Variants in STAG1 observed in about 807,000 individuals in gnomAD.
The protein encoded by STAG1 is cohesin subunit SA-1.
Under a neutral mutation model 170.9 loss-of-function variants are expected in STAG1, and 26 were observed. The ratio of observed to expected loss-of-function variants is 0.15; its 90% CI spans 0.11 to 0.21. The LOEUF (loss-of-function observed/expected upper bound fraction) is 0.21, where lower values mean the gene tolerates loss of function less well. STAG1 is among the 10% of genes least tolerant of loss of function. The pLI is 1.00. For synonymous variants in STAG1, 514 were observed against 497.7 expected (o/e 1.03, Z -0.44); for missense variants, 964 against 1,509.5 (o/e 0.64, Z 5.99).
intron 1 of STAG1, among the ~76,000 whole-genome samples, chr3:136,675,925 A>C (rs1942115855): frequency 6.6e-6 from 1 of 152,238 alleles, no homozygotes; most frequent in Non-Finnish European, 1.5e-5. Flanking sequence ...TTTTCTTTAC[A>C]ATGTGCAAAC....
At chr3:136,665,069 T>C (rs967952222) in intron 1 of STAG1, among the ~76,000 whole-genome samples, 1 of 152,174 alleles carries the variant, frequency 6.6e-6, no homozygotes, top group Non-Finnish European at 1.5e-5. Context: ...CTTCTCCCTT[T>C]TTGAACCAGA....
chr3:136,546,189 A>G (rs1936148100), intron 5 of STAG1, among the ~76,000 whole-genome samples: 1 of 152,204 alleles, frequency 6.6e-6, no homozygotes. Context: ...CTATTAAAAT[A>G]AGTTCATATC....
intron 1 of STAG1, among the ~76,000 whole-genome samples, chr3:136,706,749 CA>C (rs1451459085): frequency 6.6e-6 from 1 of 152,132 alleles, no homozygotes; most frequent in East Asian, 1.9e-4. Context: ...GGGTCCCAAA[CA>C]GTCAAAATAA....
intron 1 of STAG1, among the ~76,000 whole-genome samples, chr3:136,664,655 C>G (rs1419846430): frequency 6.6e-6 from 1 of 152,106 alleles, no homozygotes; most frequent in African/African-American, 2.4e-5. Context: ...TATATCTGTG[C>G]TTTACACACA....
rs553936593 is a variant in STAG1 at position 136,509,736 on chromosome 3, G to A, written c.677-6957C>T. 2.6e-5 allele frequency among the ~76,000 whole-genome samples: 4 copies of A among 152,290 alleles called. No homozygotes were observed. In the East Asian group the frequency reaches 7.7e-4, roughly 29 times the overall value. ...AGGAGAGTTCATCAGGAAATGGGAT[G>A]CCTAAAACGAAGTCGAAGGACACTG... On this transcript the variant is annotated intron_variant, in intron 7 of 33. Coordinates refer to ENST00000383202, the MANE Select transcript of STAG1 (RefSeq NM_005862.3).
intron 14 of STAG1, among the ~76,000 whole-genome samples, chr3:136,447,853 G>A (rs1278038726): frequency 1.3e-5 from 2 of 151,920 alleles, no homozygotes; most frequent in Admixed American, 6.6e-5. Context: ...TCCTGACCTC[G>A]TGATCTGCCC....
At chr3:136,405,166 T>A (rs2107702571) in intron 21 of STAG1, among the ~76,000 whole-genome samples, 1 of 145,074 alleles carries the variant, frequency 6.9e-6, no homozygotes, top group South Asian at 2.2e-4. Context: ...TGCAAATAAA[T>A]AATCAATATG....
intron 28 of STAG1, among the ~76,000 whole-genome samples, chr3:136,354,645 A>G (rs1300028): frequency 2.0e-5 from 3 of 151,860 alleles, no homozygotes; most frequent in African/African-American, 7.3e-5. Flanking sequence ...TGGTAAGGCC[A>G]CTAGGAAAAT....
intron 2 of STAG1, among the ~76,000 whole-genome samples, chr3:136,625,812 A>T (rs1434619499): frequency 1.3e-5 from 2 of 152,198 alleles, no homozygotes; most frequent in Non-Finnish European, 2.9e-5. Flanking sequence ...ATATTCTCAC[A>T]TCATTACTTA....
chr3:136,368,488 G>A (rs1937164951), intron 24 of STAG1, among the ~76,000 whole-genome samples: 1 of 151,990 alleles, frequency 6.6e-6, no homozygotes, highest in Admixed American at 6.6e-5. Flanking sequence ...AAAGGAACCT[G>A]GATACTTTCT....
chr3:136,629,516 C>T (rs1030471983), intron 2 of STAG1, among the ~76,000 whole-genome samples: 1 of 151,512 alleles, frequency 6.6e-6, no homozygotes, highest in African/African-American at 2.4e-5. Flanking sequence ...TATATGATAT[C>T]ATGCTCAGGT....
chr3:136,538,781 G>A (rs533383426), intron 6 of STAG1, among the ~76,000 whole-genome samples: 2 of 152,214 alleles, frequency 1.3e-5, no homozygotes, highest in African/African-American at 4.8e-5. Flanking sequence ...CTCTGAAAAG[G>A]AGCATGGTGA....
rs148084949 is a variant in STAG1 at position 136,637,031 on chromosome 3, A to C, written c.-83-6050T>G. Among the ~76,000 whole-genome samples the C allele has an allele frequency of 1.0e-3, 159 of 152,302 alleles. 1 individual carries two copies. Among genetic ancestry groups the C allele is most frequent in the Admixed American group, 2.2e-3 (34 of 15,306 alleles). On this transcript the variant is annotated intron_variant, in intron 1 of 33. Coordinates refer to ENST00000383202, the MANE Select transcript of STAG1 (RefSeq NM_005862.3). ...ACCCAAAGAAAAGAAATCCACACAG[A>C]CATGGGGAAAATGTGCAAACTCCGC... is the stretch of plus-strand genomic sequence containing the variant.
At chr3:136,694,802 A>C (rs1333591533) in intron 1 of STAG1, among the ~76,000 whole-genome samples, 1 of 152,140 alleles carries the variant, frequency 6.6e-6, no homozygotes, top group African/African-American at 2.4e-5. Context: ...CCTAATAATA[A>C]AGGGAAAAGT....
intron 1 of STAG1, among the ~76,000 whole-genome samples, chr3:136,711,564 GA>G (rs11285523): frequency 0.37 from 54,600 of 146,012 alleles, 10,894 homozygotes; most frequent in African/African-American, 0.53. Flanking sequence ...ATGTTTCAAG[GA>G]AAAAAAAAAA....
intron 4 of STAG1, 44 bp from the exon 5 acceptor site, chr3:136,568,905 ATAT>A (rs1559883965): frequency 7.2e-7 from 1 of 1,392,624 alleles, no homozygotes; most frequent in Non-Finnish European, 9.9e-7. Flanking sequence ...AAAAAATTTG[ATAT>A]TATAGCAAAT....
At chr3:136,466,524 G>A (rs149975691) in intron 12 of STAG1, among the ~76,000 whole-genome samples, 34 of 152,230 alleles carry the variant, frequency 2.2e-4, no homozygotes, top group Non-Finnish European at 3.5e-4. Flanking sequence ...AATCTACGTC[G>A]GATTGGTGTA....
intron 5 of STAG1, among the ~76,000 whole-genome samples, chr3:136,548,637 T>A (rs1936259549): frequency 6.6e-6 from 1 of 152,230 alleles, no homozygotes; most frequent in Admixed American, 6.5e-5. Flanking sequence ...ATTTTAACAA[T>A]ATTAAGTCTT....
At chr3:136,514,650 T>C (rs1934256167) in intron 7 of STAG1, among the ~76,000 whole-genome samples, 1 of 152,170 alleles carries the variant, frequency 6.6e-6, no homozygotes, top group Non-Finnish European at 1.5e-5. Flanking sequence ...TAGTAAAGAC[T>C]TGGAACCAAC....
Sources: gnomAD v4.1 joint callset for allele counts (sites outside exome capture counted in the v4.1 genomes callset) on GRCh38, gnomAD v4.1.1 for gene constraint, MANE v1.5 for transcripts, NCBI Gene and HGNC (gene_info 2026-07-23, HGNC 2026-07-21) for gene names.